Variants in SYNE2 observed in about 807,000 individuals in gnomAD.
The protein encoded by SYNE2 is spectrin repeat containing nuclear envelope protein 2, also known as nesprin-2.
In SYNE2, 431 loss-of-function variants were observed where a neutral mutation model predicts 856.3. The ratio of observed to expected loss-of-function variants is 0.50; its 90% confidence interval spans 0.47 to 0.55. SYNE2 has a LOEUF of 0.55. Ranked by LOEUF, SYNE2 falls within the 20% of genes least tolerant of loss-of-function variation. The pLI is 0.00. For synonymous variants in SYNE2, 2,923 were observed against 2,872.3 expected (o/e 1.02, Z -0.56); for missense variants, 8,129 against 8,023.2 (o/e 1.01, Z -0.50).
rs376859273 is a variant in SYNE2, at chr14:64,024,878, A to C, written c.5841-34A>C. ...TCTTTGGTATAAACACTTTTTGCTTATTTTGTATTTAAACATGTGTAATGC... is the reference window on the plus strand; with the variant it reads ...TCTTTGGTATAAACACTTTTTGCTTCTTTTGTATTTAAACATGTGTAATGC... On this transcript the variant is annotated intron_variant, in intron 39 of 115. Coordinates refer to ENST00000555002, the MANE Select transcript of SYNE2 (RefSeq NM_182914.3). 16 of 1,612,752 alleles carry C rather than the reference A, an allele frequency of 9.9e-6. No individual in the cohort carries two copies. The East Asian group carries it at 3.3e-4, about 34-fold the overall frequency.
At chr14:64,194,789 C>T (rs533523430) in intron 99 of SYNE2, among the ~76,000 whole-genome samples, 1 of 152,298 alleles carries the variant, frequency 6.6e-6, no homozygotes, top group East Asian at 1.9e-4. Context: ...GCAAGGTTAA[C>T]GTTCACAGCC....
chr14:63,793,767 C>A (rs866283865), intron 1 of SYNE2, among the ~76,000 whole-genome samples: 1 of 149,978 alleles, frequency 6.7e-6, no homozygotes, highest in Non-Finnish European at 1.5e-5. Flanking sequence ...TGAGGCCCCC[C>A]CCCAACTAAA....
intron 99 of SYNE2, among the ~76,000 whole-genome samples, chr14:64,191,783 C>G (rs1351033878): frequency 6.6e-6 from 1 of 152,114 alleles, no homozygotes; most frequent in African/African-American, 2.4e-5. Flanking sequence ...GGAAAAAAAA[C>G]AAACCTACAG....
intron 96 of SYNE2, among the ~76,000 whole-genome samples, chr14:64,186,215 A>G (rs1453102978): frequency 6.6e-6 from 1 of 152,242 alleles, no homozygotes; most frequent in Non-Finnish European, 1.5e-5. Flanking sequence ...TAAAGGTAGA[A>G]CAGAGTTTTC....
chr14:63,807,446 A>G (rs1290456312), intron 1 of SYNE2, among the ~76,000 whole-genome samples: 1 of 152,048 alleles, frequency 6.6e-6, no homozygotes, highest in Non-Finnish European at 1.5e-5. Flanking sequence ...TATAAAAATT[A>G]TGTAAGGTTT....
intron 47 of SYNE2, among the ~76,000 whole-genome samples, chr14:64,050,333 T>A (rs2097216158): frequency 6.6e-6 from 1 of 152,210 alleles, no homozygotes; most frequent in East Asian, 1.9e-4. Context: ...CATTGGTGAT[T>A]AGGTTTCAAA....
chr14:64,045,855 T>C (rs1595111177), intron 45 of SYNE2, among the ~76,000 whole-genome samples: 1 of 152,228 alleles, frequency 6.6e-6, no homozygotes, highest in Non-Finnish European at 1.5e-5. Context: ...AGAATAGTTT[T>C]ACAGTTACAG....
chr14:63,837,232 G>C (rs1372474165), intron 1 of SYNE2, among the ~76,000 whole-genome samples: 1 of 152,156 alleles, frequency 6.6e-6, no homozygotes, highest in Non-Finnish European at 1.5e-5. Flanking sequence ...TGGGACAATT[G>C]AATATTCAGA....
At chr14:63,806,040 G>A (rs574153372) in intron 1 of SYNE2, among the ~76,000 whole-genome samples, 1 of 152,208 alleles carries the variant, frequency 6.6e-6, no homozygotes, top group Admixed American at 6.5e-5. Context: ...ATGAGAGTGG[G>A]CATCTTTTGC....
chr14:64,214,021 C>G, intron 105 of SYNE2, 173 bp from the exon 106 acceptor site: 2 of 949,172 alleles, frequency 2.1e-6, no homozygotes, highest in Admixed American at 5.5e-5. Context: ...TCCAGATTGT[C>G]TAAACTGGAA....
chr14:64,085,214 A>G (rs2097551873), intron 57 of SYNE2, among the ~76,000 whole-genome samples: 1 of 152,204 alleles, frequency 6.6e-6, no homozygotes, highest in Admixed American at 6.5e-5. Context: ...TTGGGACTAC[A>G]GGCGCACACA....
At chr14:63,832,816 C>T (rs1049669844) in intron 1 of SYNE2, among the ~76,000 whole-genome samples, 17 of 148,194 alleles carry the variant, frequency 1.1e-4, no homozygotes, top group Non-Finnish European at 2.4e-4. Flanking sequence ...TTAGCTTGAA[C>T]CCAGGAGTTC....
chr14:64,138,659 G>A (rs769691152), intron 79 of SYNE2, among the ~76,000 whole-genome samples: 36 of 152,128 alleles, frequency 2.4e-4, no homozygotes, highest in Non-Finnish European at 4.4e-4. Flanking sequence ...TTAGCTAACA[G>A]AATAGTTTGA....
At chr14:64,028,779 T>C (rs369508227) in intron 43 of SYNE2, among the ~76,000 whole-genome samples, 31 of 152,328 alleles carry the variant, frequency 2.0e-4, no homozygotes, top group African/African-American at 7.0e-4. Flanking sequence ...ATGTCAGTTA[T>C]CTTATATCCA....
chr14:64,210,506 A>G (rs1280506519), intron 103 of SYNE2, among the ~76,000 whole-genome samples: 1 of 148,514 alleles, frequency 6.7e-6, no homozygotes, highest in African/African-American at 2.5e-5. Flanking sequence ...TTTTTATGGG[A>G]CCCCCCCCAG....
chr14:64,062,799 C>T lies in SYNE2; in HGVS notation c.10116C>T (p.Tyr3372=), dbSNP rs757890554. ...KCYRKMEEDI[Y]TNLSKMETVL... is the part of the protein sequence containing the mutation. ...ATAGAAAAATGGAAGAGGATATTTA[C>T]ACTAACCTCAGCAAAATGGAGACAG... Residue 3372 remains tyrosine, a synonymous_variant, in exon 50 of 116, where the codon TAC becomes TAT. Coordinates refer to ENST00000555002, the MANE Select transcript of SYNE2 (RefSeq NM_182914.3). The T allele has an allele frequency of 1.2e-6, 2 of 1,613,752 alleles. No individual in the cohort carries two copies. Among genetic ancestry groups the T allele is most frequent in the Non-Finnish European group, 1.7e-6 (2 of 1,179,670 alleles).
At chr14:63,968,048 A>G (rs2096419303) in intron 11 of SYNE2, among the ~76,000 whole-genome samples, 1 of 152,146 alleles carries the variant, frequency 6.6e-6, no homozygotes, top group South Asian at 2.1e-4. Flanking sequence ...CTGTAATCCC[A>G]GCTACTCCAG....
chr14:63,913,260 A>G (rs1286267239), intron 2 of SYNE2, among the ~76,000 whole-genome samples: 1 of 151,692 alleles, frequency 6.6e-6, no homozygotes, highest in Non-Finnish European at 1.5e-5. Context: ...ATGGGTAGAT[A>G]TTTATGTTTT....
At chr14:63,866,879 G>A (rs1310480190) in intron 1 of SYNE2, among the ~76,000 whole-genome samples, 1 of 152,142 alleles carries the variant, frequency 6.6e-6, no homozygotes, top group Non-Finnish European at 1.5e-5. Context: ...GACTGAGATG[G>A]GAGAATTGCT....
Sources: gnomAD v4.1 joint callset for allele counts (sites outside exome capture counted in the v4.1 genomes callset) on GRCh38, gnomAD v4.1.1 for gene constraint, MANE v1.5 for transcripts, NCBI Gene and HGNC (gene_info 2026-07-23, HGNC 2026-07-21) for gene names.